Variants in PCLO observed in about 807,000 individuals in gnomAD.
PCLO encodes piccolo presynaptic cytomatrix protein, also known as protein piccolo.
PCLO carries 82 observed loss-of-function variants against 427.5 expected under a neutral mutation model. The ratio of observed to expected loss-of-function variants is 0.19; its 90% CI spans 0.16 to 0.23. The LOEUF is 0.23. PCLO is among the 10% of genes least tolerant of loss of function. PCLO has a pLI of 1.00. For synonymous variants in PCLO, 2,357 were observed against 2,155.4 expected (o/e 1.09, Z -2.59); for missense variants, 6,239 against 6,115.9 (o/e 1.02, Z -0.67).
intron 3 of PCLO, among the ~76,000 whole-genome samples, chr7:82,996,287 A>T (rs1323938869): frequency 6.6e-6 from 1 of 151,974 alleles, no homozygotes; most frequent in Non-Finnish European, 1.5e-5. Flanking sequence ...TAAATTTTCT[A>T]TAATTGGCAT....
chr7:82,890,725 C>T (rs1793742361), intron 9 of PCLO, among the ~76,000 whole-genome samples: 1 of 151,840 alleles, frequency 6.6e-6, no homozygotes, highest in Admixed American at 6.6e-5. Context: ...ACTATCCTTA[C>T]CATGCTTCAT....
chr7:83,025,493 G>A (rs1383047291), intron 3 of PCLO, among the ~76,000 whole-genome samples: 1 of 152,010 alleles, frequency 6.6e-6, no homozygotes, highest in East Asian at 1.9e-4. Flanking sequence ...GTACCTGAAA[G>A]TGATGGGGAG....
intron 4 of PCLO, among the ~76,000 whole-genome samples, chr7:82,960,117 A>G (rs1043378642): frequency 1.3e-5 from 2 of 152,254 alleles, no homozygotes; most frequent in Non-Finnish European, 2.9e-5. Context: ...TCTAGATGAC[A>G]TATAAAACTG....
At chr7:83,030,385 G>A (rs1788637005) in intron 3 of PCLO, among the ~76,000 whole-genome samples, 1 of 152,142 alleles carries the variant, frequency 6.6e-6, no homozygotes, top group East Asian at 1.9e-4. Context: ...AGATATATTA[G>A]ACATATATAA....
chr7:82,985,113 A>G (rs1649680183), intron 3 of PCLO, among the ~76,000 whole-genome samples: 1 of 152,020 alleles, frequency 6.6e-6, no homozygotes, highest in Admixed American at 6.6e-5. Flanking sequence ...CCTCAGAGAG[A>G]GCACCTACTG....
intron 3 of PCLO, among the ~76,000 whole-genome samples, chr7:83,104,474 T>G (rs2116498480): frequency 6.6e-6 from 1 of 152,160 alleles, no homozygotes; most frequent in South Asian, 2.1e-4. Flanking sequence ...TTCAGAGATT[T>G]ACTTCATATA....
In PCLO at chr7:82,940,755, C is replaced by CT. The variant is rs71531190; in HGVS notation, c.11112+8720dup. Among the ~76,000 whole-genome samples the CT allele has an allele frequency of 7.6e-3, 826 of 109,086 alleles. 11 individuals carry two copies. The highest frequency in any genetic ancestry group is 0.014 in the African/African-American group (405 of 28,272). 71.6% of individuals were successfully genotyped at this position (109,086 alleles called of 152,430 possible). A position where few individuals can be genotyped will look rare whatever the true frequency, so the allele number is the denominator to read the frequency against. On this transcript the variant is annotated intron_variant, in intron 6 of 24. Coordinates refer to ENST00000333891, the MANE Select transcript of PCLO (RefSeq NM_033026.6). ...ATCTGCATTAATTATTTTTTTCTTT[C>CT]TTTTTTTTTTTTTTTTTTTTTTTCT... is the stretch of plus-strand genomic sequence containing the variant.
chr7:82,759,917 T>C (rs1286657843), intron 24 of PCLO, among the ~76,000 whole-genome samples: 1 of 151,974 alleles, frequency 6.6e-6, no homozygotes, highest in Non-Finnish European at 1.5e-5. Flanking sequence ...CAAGACAGAC[T>C]GGGATTGATA....
intron 3 of PCLO, among the ~76,000 whole-genome samples, chr7:83,029,259 C>T: frequency 7.9e-6 from 1 of 125,820 alleles, no homozygotes; most frequent in East Asian, 3.6e-4. Flanking sequence ...AACAAATTTA[C>T]AAGAAAAAAA....
chr7:83,050,227 A>AAAAAAAAAC (rs1789207455), intron 3 of PCLO, among the ~76,000 whole-genome samples: 2 of 85,620 alleles, frequency 2.3e-5, no homozygotes, highest in Non-Finnish European at 5.3e-5. Flanking sequence ...AAAAAAAAAA[A>AAAAAAAAAC]AAAAAAAAAA....
chr7:82,952,483 G>C lies in PCLO; in HGVS notation c.8470C>G (p.Leu2824Val). ...VGAEHAMTTP[L>V]QLTTSKHAEP... The stretch of plus-strand genomic sequence containing the variant: ...GCATGCTTTGATGTTGTAAGTTGGA[G>C]TGGTGTTGTCATTGCATGTTCTGCA... The change falls in exon 5 of 25, where the codon CTC (leucine) becomes GTC (valine). Residue 2824 changes from leucine to valine, a missense_variant. Transcript: ENST00000333891. 1.2e-6 allele frequency: 2 copies of C among 1,613,904 alleles called. No homozygotes were observed. Among genetic ancestry groups the C allele is most frequent in the Non-Finnish European group, 1.7e-6 (2 of 1,179,838 alleles).
At chr7:83,094,434 C>G (rs1790479535) in intron 3 of PCLO, among the ~76,000 whole-genome samples, 1 of 152,050 alleles carries the variant, frequency 6.6e-6, no homozygotes. Context: ...GTCTCGATCT[C>G]TTGACCTCGT....
At chr7:83,137,859 T>G (rs1791767612) in intron 2 of PCLO, among the ~76,000 whole-genome samples, 1 of 152,366 alleles carries the variant, frequency 6.6e-6, no homozygotes, top group South Asian at 2.1e-4. Flanking sequence ...ATATAAATAT[T>G]TGAAGTCCTA....
intron 13 of PCLO, among the ~76,000 whole-genome samples, chr7:82,843,280 G>A (rs1584037141): frequency 6.6e-6 from 1 of 152,106 alleles, no homozygotes; most frequent in African/African-American, 2.4e-5. Flanking sequence ...AGGACATTAT[G>A]TTAAGTGGAA....
chr7:82,865,504 C>T (rs539324408), intron 10 of PCLO, among the ~76,000 whole-genome samples: 52 of 151,978 alleles, frequency 3.4e-4, no homozygotes, highest in African/African-American at 1.1e-3. Flanking sequence ...AACAAACAAA[C>T]AAACAAACAA....
In PCLO at chr7:82,955,143, C is replaced by T. The variant is rs750274296; in HGVS notation, c.5810G>A (p.Arg1937Gln). Residue 1937 changes from arginine (R) to glutamine (Q), a missense_variant, in exon 5 of 25, where the codon CGA becomes CAA. Coordinates refer to ENST00000333891, the MANE Select transcript of PCLO (RefSeq NM_033026.6). Reference sequence around the variant, plus strand: ...AGGCTCTTTTTCAAACACTTCATCTCGTTCATTTGCAGCTGGAAAAGCTTT... The same window carrying T: ...AGGCTCTTTTTCAAACACTTCATCTTGTTCATTTGCAGCTGGAAAAGCTTT... ...KYKAFPAANE[R>Q]DEVFEKEPLY... 1.1e-5 allele frequency: 18 copies of T among 1,613,614 alleles called. No individual in the cohort carries two copies. The highest frequency in any genetic ancestry group is 4.0e-5 in the African/African-American group (3 of 74,900).
intron 3 of PCLO, among the ~76,000 whole-genome samples, chr7:83,051,983 A>G (rs1298435813): frequency 6.6e-6 from 1 of 152,076 alleles, no homozygotes; most frequent in East Asian, 1.9e-4. Flanking sequence ...ATACATCCAC[A>G]TGCAAAAAAA....
chr7:82,822,134 C>T, intron 20 of PCLO: 2 of 1,039,144 alleles, frequency 1.9e-6, no homozygotes, highest in Middle Eastern at 9.5e-4. Flanking sequence ...AAACTGGCAG[C>T]CACTTGTGCT....
At chr7:82,909,446 C>T (rs1313563882) in intron 7 of PCLO, among the ~76,000 whole-genome samples, 2 of 151,754 alleles carry the variant, frequency 1.3e-5, no homozygotes, top group South Asian at 4.2e-4. Context: ...TAAGGTAGGC[C>T]GATGGGTGCA....
Sources: gnomAD v4.1 joint callset for allele counts (sites outside exome capture counted in the v4.1 genomes callset) on GRCh38, gnomAD v4.1.1 for gene constraint, MANE v1.5 for transcripts, NCBI Gene and HGNC (gene_info 2026-07-23, HGNC 2026-07-21) for gene names.